SCML4: variants seen among roughly 807,000 people sequenced by gnomAD.
SCML4 encodes the protein Scm polycomb group protein like 4.
A neutral mutation model predicts 41.1 loss-of-function variants in SCML4; 34 were observed. That is an observed-to-expected ratio of 0.83 (90% confidence interval 0.63 to 1.10). The LOEUF is 1.10. SCML4 is among the 50% of genes least tolerant of loss of function. SCML4 has a pLI of 0.00. For missense variants in SCML4, 522 were observed against 534.1 expected (o/e 0.98, Z 0.22); for synonymous variants, 214 against 220.9 (o/e 0.97, Z 0.28).
intron 7 of SCML4, 63 bp downstream of exon 7, chr6:107,707,803 C>T: frequency 6.5e-7 from 1 of 1,547,098 alleles, no homozygotes; most frequent in African/African-American, 1.4e-5. Flanking sequence ...CTCCCTGGAC[C>T]TCACTCTCCT....
chr6:107,746,851 A>G lies in SCML4; in HGVS notation c.325T>C (p.Tyr109His), dbSNP rs1360950479. ...YINKQANAGP[Y>H]LERKKVQQLP... ...TGCTGCACCTTCTTCCTCTCCAGAT[A>G]GGGCCCCGCATTGGCCTGCTTGTTG... The change falls in exon 4 of 8, where the codon TAT (tyrosine) becomes CAT (histidine). Residue 109 changes from tyrosine (Y) to histidine (H), a missense_variant. Tyr to His is a moderately conservative substitution (Grantham distance 83). Coordinates refer to ENST00000369020, the MANE Select transcript of SCML4 (RefSeq NM_198081.5). 6.2e-7 allele frequency: 1 copy of G among 1,613,898 alleles called. No homozygotes were observed. Among genetic ancestry groups the G allele is most frequent in the Non-Finnish European group, 8.5e-7 (1 of 1,180,002 alleles).
intron 5 of SCML4, among the ~76,000 whole-genome samples, chr6:107,722,326 G>T (rs191870927): frequency 6.6e-6 from 1 of 151,706 alleles, no homozygotes. Flanking sequence ...CGAATGGTGG[G>T]TTTTTTGTTT....
the SCML4 span, among the ~76,000 whole-genome samples, chr6:107,832,432 C>T: frequency 1.3e-5 from 2 of 152,202 alleles, no homozygotes; most frequent in East Asian, 1.9e-4. Context: ...CCACCCAGCA[C>T]AAGGGAGAGC....
At chr6:107,843,025 A>G in the SCML4 span, among the ~76,000 whole-genome samples, 1 of 152,074 alleles carries the variant, frequency 6.6e-6, no homozygotes, top group Middle Eastern at 3.2e-3. Flanking sequence ...TATAATAAAT[A>G]TATATTTTTA....
intron 1 of SCML4, among the ~76,000 whole-genome samples, chr6:107,804,937 T>C (rs537295297): frequency 1.3e-5 from 2 of 152,252 alleles, no homozygotes; most frequent in South Asian, 2.1e-4. Context: ...ACCACTGTAC[T>C]CCAGCTTGAG....
chr6:107,795,739 G>C (rs1241926665), intron 1 of SCML4, among the ~76,000 whole-genome samples: 1 of 152,138 alleles, frequency 6.6e-6, no homozygotes, highest in Non-Finnish European at 1.5e-5. Flanking sequence ...ATGTGGGCCA[G>C]GCTGGTCTCA....
chr6:107,720,380 T>G (rs965537663), intron 6 of SCML4: 11 of 1,033,122 alleles, frequency 1.1e-5, no homozygotes, highest in African/African-American at 1.7e-5. Flanking sequence ...TATGTCCCTA[T>G]ATTGAGATGC....
chr6:107,777,916 T>C (rs1373410169), intron 1 of SCML4, among the ~76,000 whole-genome samples: 2 of 151,586 alleles, frequency 1.3e-5, no homozygotes, highest in Non-Finnish European at 2.9e-5. Context: ...ATTTAACACA[T>C]CCAAATATAT....
intron 4 of SCML4, chr6:107,746,365 T>C (rs996600492): frequency 3.7e-6 from 1 of 273,612 alleles, no homozygotes; most frequent in Non-Finnish European, 6.8e-6. Context: ...ACTCCGGGTA[T>C]ATTTTGAAGT....
the SCML4 span, among the ~76,000 whole-genome samples, chr6:107,839,040 C>T: frequency 4.6e-5 from 7 of 152,100 alleles, no homozygotes; most frequent in Non-Finnish European, 8.8e-5. Context: ...TGGCTCATGC[C>T]TGTAATCTCA....
chr6:107,707,968 C>G lies in SCML4; in HGVS notation c.1017G>C (p.Arg339=). 3 of 1,551,612 alleles carry G rather than the reference C, an allele frequency of 1.9e-6. No individual in the cohort carries two copies. Among genetic ancestry groups the G allele is most frequent in the East Asian group, 2.4e-5 (1 of 40,900 alleles). ...CAGTCCAGGCGGAGGGGTTCCTGCT[C>G]CGTGGCCGCCTGGCATCCTGCGCAT... ...SQDAQDARRP[R]SRNPSAWTVE... The change falls in exon 7 of 8, where the codon CGG becomes CGC. Residue 339 remains arginine (R), a synonymous_variant. Transcript: ENST00000369020.
rs926879842 is a variant in SCML4 at position 107,801,199 on chromosome 6, G to A, written c.-60+22927C>T. 5.3e-5 allele frequency among the ~76,000 whole-genome samples: 8 copies of A among 152,082 alleles called. No homozygotes were observed. The East Asian group carries it at 7.7e-4, about 15-fold the overall frequency. The stretch of plus-strand genomic sequence containing the variant: ...ACATGCTGTTATGTAAAGCCCAACC[G>A]ATTTCTCCTTGTAAATTCTCTGTCT... On this transcript the variant is annotated intron_variant, in intron 1 of 7. Transcript: ENST00000369020.
chr6:107,765,350 G>A (rs977640938), intron 2 of SCML4, among the ~76,000 whole-genome samples: 3 of 152,164 alleles, frequency 2.0e-5, no homozygotes, highest in African/African-American at 4.8e-5. Context: ...GAGCCGGCTT[G>A]TACTAGTCCA....
chr6:107,735,541 G>A (rs1233295015), intron 5 of SCML4, among the ~76,000 whole-genome samples: 1 of 151,878 alleles, frequency 6.6e-6, no homozygotes, highest in African/African-American at 2.4e-5. Context: ...GCTCACTCCT[G>A]TAATCCCAGC....
the SCML4 span, among the ~76,000 whole-genome samples, chr6:107,838,604 T>C: frequency 6.6e-6 from 1 of 152,196 alleles, no homozygotes; most frequent in Non-Finnish European, 1.5e-5. Flanking sequence ...CAGAATGACA[T>C]TGATATTCCA....
chr6:107,764,797 G>C (rs945984997), intron 2 of SCML4, among the ~76,000 whole-genome samples: 1 of 152,090 alleles, frequency 6.6e-6, no homozygotes, highest in Non-Finnish European at 1.5e-5. Context: ...CTGAATCATG[G>C]GGGTAATTTC....
rs372757174 is a variant in SCML4 at position 107,752,254 on chromosome 6, G to C, written c.157-2441C>G. Among the ~76,000 whole-genome samples the C allele has an allele frequency of 3.9e-5, 6 of 152,146 alleles. No individual in the cohort carries two copies. In the East Asian group the frequency reaches 1.2e-3, roughly 29 times the overall value. ...AAGGAGGATAGAGTGGAGGGGGCTAGAGAAGATCAGGGGTGAGTTTTGGAC... is the reference window on the plus strand; with the variant it reads ...AAGGAGGATAGAGTGGAGGGGGCTACAGAAGATCAGGGGTGAGTTTTGGAC... On this transcript the variant is annotated intron_variant, in intron 2 of 7. Coordinates refer to ENST00000369020, the MANE Select transcript of SCML4 (RefSeq NM_198081.5).
upstream of SCML4, among the ~76,000 whole-genome samples, chr6:107,827,264 A>G (rs957758032): frequency 5.4e-4 from 79 of 145,900 alleles, no homozygotes; most frequent in Non-Finnish European, 8.2e-4. Context: ...TTTTATTTAA[A>G]TATATATTTA....
Position 107,703,722 on chromosome 6 carries a change from C to T in SCML4, c.*1478G>A, listed in dbSNP as rs1168647593. Among the ~76,000 whole-genome samples, 1 of 152,176 alleles carries T rather than the reference C, an allele frequency of 6.6e-6. No homozygotes were observed. The highest frequency in any genetic ancestry group is 1.9e-4 in the East Asian group (1 of 5,186). ...AGGTTGTATCCCAGAGAAAGGGGTGCCTTTTCTGATTCACCTTTGGGCGAA... is the reference window on the plus strand; with the variant it reads ...AGGTTGTATCCCAGAGAAAGGGGTGTCTTTTCTGATTCACCTTTGGGCGAA... On this transcript the variant is annotated 3_prime_UTR_variant, in exon 8 of 8. Transcript: ENST00000369020.
Sources: gnomAD v4.1 joint callset for allele counts (sites outside exome capture counted in the v4.1 genomes callset) on GRCh38, gnomAD v4.1.1 for gene constraint, MANE v1.5 for transcripts, NCBI Gene and HGNC (gene_info 2026-07-23, HGNC 2026-07-21) for gene names.